Variants in VMP1 observed in about 807,000 individuals in gnomAD.
The protein encoded by VMP1 is vacuole membrane protein 1.
In VMP1, 11 loss-of-function variants were observed where a neutral mutation model predicts 56.0. The observed-to-expected ratio is 0.20, with a 90% CI of 0.12 to 0.32. VMP1 has a LOEUF of 0.32. VMP1 is among the 10% of genes least tolerant of loss of function. VMP1 has a pLI of 1.00. For synonymous variants in VMP1, 149 were observed against 165.0 expected, an observed-to-expected ratio of 0.90 and a Z score of 0.74; for missense variants, 296 against 490.3, an observed-to-expected ratio of 0.60 and a Z score of 3.74.
chr17:59,798,147 A>C (rs923434625), intron 7 of VMP1, among the ~76,000 whole-genome samples: 2 of 152,166 alleles, frequency 1.3e-5, no homozygotes, highest in Non-Finnish European at 2.9e-5. Context: ...TTAAAAAACT[A>C]CTCATACTGT....
intron 1 of VMP1, among the ~76,000 whole-genome samples, chr17:59,709,259 T>G (rs961125409): frequency 6.6e-6 from 1 of 152,248 alleles, no homozygotes; most frequent in Non-Finnish European, 1.5e-5. Context: ...AATCTGATCT[T>G]ATCTTCTTTA....
At position 59,735,349 on chromosome 17, in the gene VMP1, G is replaced by A. The variant is rs1286971345; in HGVS notation, c.88G>A (p.Val30Met). 6.2e-7 allele frequency: 1 copy of A among 1,613,998 alleles called. No individual in the cohort carries two copies. Among genetic ancestry groups the A allele is most frequent in the Non-Finnish European group, 8.5e-7 (1 of 1,179,960 alleles). Reference protein sequence around the residue: ...HNGNFTDPSSVNEKKRREREE... With the variant: ...HNGNFTDPSSMNEKKRREREE... ...CTATTGTTTTTCAGACCCCTCTTCAGTGAATGAAAAGAAGAGGAGGGAGCG... is the reference window on the plus strand; with the variant it reads ...CTATTGTTTTTCAGACCCCTCTTCAATGAATGAAAAGAAGAGGAGGGAGCG... Residue 30 changes from valine (V) to methionine (M), a missense_variant, in exon 3 of 12, where the codon GTG becomes ATG. Coordinates refer to ENST00000262291, the MANE Select transcript of VMP1 (RefSeq NM_030938.5).
At chr17:59,740,390 T>G (rs1177654228) in intron 5 of VMP1, among the ~76,000 whole-genome samples, 2 of 152,170 alleles carry the variant, frequency 1.3e-5, no homozygotes, top group African/African-American at 4.8e-5. Flanking sequence ...GGTGAAAGAT[T>G]GTCAAGCAGT....
chr17:59,747,599 T>TG (rs2035474181), intron 5 of VMP1, among the ~76,000 whole-genome samples: 1 of 151,004 alleles, frequency 6.6e-6, no homozygotes. Flanking sequence ...TTAGTAGAGA[T>TG]GGGGTTTCAC....
intron 7 of VMP1, among the ~76,000 whole-genome samples, chr17:59,801,641 T>TC (rs1294780409): frequency 6.6e-6 from 1 of 152,082 alleles, no homozygotes; most frequent in African/African-American, 2.4e-5. Context: ...ATGCCTATAA[T>TC]CCCAGCACTT....
intron 7 of VMP1, among the ~76,000 whole-genome samples, chr17:59,805,070 C>A (rs543160550): frequency 1.3e-4 from 20 of 152,106 alleles, no homozygotes; most frequent in Non-Finnish European, 2.5e-4. Flanking sequence ...ATTAAAAAGG[C>A]ACTTTACTTG....
At chr17:59,765,914 T>C (rs2036216078) in intron 6 of VMP1, among the ~76,000 whole-genome samples, 1 of 151,582 alleles carries the variant, frequency 6.6e-6, no homozygotes, top group Non-Finnish European at 1.5e-5. Context: ...ATCTAAGAGT[T>C]ATATAAAATA....
At chr17:59,758,734 T>A (rs1334527380) in intron 5 of VMP1, among the ~76,000 whole-genome samples, 1 of 151,840 alleles carries the variant, frequency 6.6e-6, no homozygotes, top group Non-Finnish European at 1.5e-5. Flanking sequence ...TGGGAGGTGT[T>A]GGTAGGAGGA....
chr17:59,816,122 G>A (rs1006130493), intron 9 of VMP1, among the ~76,000 whole-genome samples: 7 of 152,154 alleles, frequency 4.6e-5, no homozygotes, highest in African/African-American at 9.6e-5. Flanking sequence ...CACATTTTTT[G>A]TCTAACCCAG....
At position 59,773,870 on chromosome 17, in the gene VMP1, T is replaced by C. The variant is rs1348476556; in HGVS notation, c.699T>C (p.His233=). 1 of 1,612,210 alleles carries C rather than the reference T, an allele frequency of 6.2e-7. No individual in the cohort carries two copies. The highest frequency in any genetic ancestry group is 8.5e-7 in the Non-Finnish European group (1 of 1,179,422). The change falls in exon 7 of 12, where the codon CAT becomes CAC. Residue 233 remains histidine (H), a synonymous_variant. Coordinates refer to ENST00000262291, the MANE Select transcript of VMP1 (RefSeq NM_030938.5). Reference sequence around the variant, plus strand: ...AGGAATTTGAAGAGATGCTGGAACATGCAGAGTCTGCACAAGTAAGAACAG... The same window carrying C: ...AGGAATTTGAAGAGATGCTGGAACACGCAGAGTCTGCACAAGTAAGAACAG... ...EYQEFEEMLE[H]AESAQDFASR... is the part of the protein sequence containing the mutation.
intron 1 of VMP1, among the ~76,000 whole-genome samples, chr17:59,713,942 G>A (rs989066280): frequency 4.6e-5 from 7 of 150,738 alleles, no homozygotes; most frequent in African/African-American, 1.7e-4. Context: ...TAGGGAGGCT[G>A]AGGCATTAGA....
intron 7 of VMP1, among the ~76,000 whole-genome samples, chr17:59,795,202 C>T (rs994193272): frequency 6.6e-6 from 1 of 151,762 alleles, no homozygotes; most frequent in Non-Finnish European, 1.5e-5. Context: ...CTGGAACTCC[C>T]GACCTCAGGT....
intron 8 of VMP1, 61 bp downstream of exon 8, chr17:59,808,937 A>G: frequency 7.3e-7 from 1 of 1,373,466 alleles, no homozygotes; most frequent in South Asian, 1.2e-5. Flanking sequence ...TTTGATCCAT[A>G]TATACTCCTG....
chr17:59,726,660 G>GA (rs1305479326), intron 1 of VMP1, among the ~76,000 whole-genome samples: 21 of 152,278 alleles, frequency 1.4e-4, no homozygotes, highest in South Asian at 4.1e-4. Context: ...CTGGCAGATG[G>GA]AAAATCATTA....
intron 1 of VMP1, among the ~76,000 whole-genome samples, chr17:59,727,392 C>T (rs549025726): frequency 1.3e-5 from 2 of 152,208 alleles, no homozygotes; most frequent in East Asian, 1.9e-4. Context: ...CCTCAGCCTT[C>T]GAAAATGCTG....
At chr17:59,807,733 G>T (rs967862411) in intron 7 of VMP1, among the ~76,000 whole-genome samples, 1 of 151,338 alleles carries the variant, frequency 6.6e-6, no homozygotes, top group African/African-American at 2.4e-5. Flanking sequence ...TGGGAAGGCT[G>T]AGGCGAGAGA....
chr17:59,749,190 C>T (rs866254204), intron 5 of VMP1, among the ~76,000 whole-genome samples: 107 of 151,712 alleles, frequency 7.1e-4, no homozygotes, highest in African/African-American at 2.3e-3. Context: ...AACTCCTGAC[C>T]TCGCGATCCG....
chr17:59,712,532 G>A (rs1370454607), intron 1 of VMP1, among the ~76,000 whole-genome samples: 4 of 152,168 alleles, frequency 2.6e-5, no homozygotes, highest in African/African-American at 9.7e-5. Context: ...TCCAGTCAGT[G>A]AACAAACATT....
intron 1 of VMP1, among the ~76,000 whole-genome samples, chr17:59,711,173 T>C (rs568189903): frequency 6.6e-6 from 1 of 152,052 alleles, no homozygotes; most frequent in Non-Finnish European, 1.5e-5. Context: ...GTAATTTTAA[T>C]ATTTTGTTAT....
Sources: gnomAD v4.1 joint callset for allele counts (sites outside exome capture counted in the v4.1 genomes callset) on GRCh38, gnomAD v4.1.1 for gene constraint, MANE v1.5 for transcripts, NCBI Gene and HGNC (gene_info 2026-07-23, HGNC 2026-07-21) for gene names.